BRAP: variants seen among roughly 807,000 people sequenced by gnomAD.
BRAP encodes the protein BRCA1 associated protein, also known as BRCA1-associated protein.
Under a neutral mutation model 73.4 loss-of-function variants are expected in BRAP, and 42 were observed. That is an observed-to-expected ratio of 0.57 (90% confidence interval 0.45 to 0.74). BRAP has a LOEUF of 0.74. BRAP is among the 30% of genes least tolerant of loss of function. The pLI, the probability that BRAP is intolerant of heterozygous loss-of-function variation, is 0.00. For synonymous variants in BRAP, 255 were observed against 267.4 expected (o/e 0.95, Z 0.45); for missense variants, 593 against 751.4 (o/e 0.79, Z 2.46).
At chr12:111,648,255 TCCACTGTACTCCAGCCTATTGCG>T (rs1207987663) in intron 11 of BRAP, among the ~76,000 whole-genome samples, 25 of 146,298 alleles carry the variant, frequency 1.7e-4, no homozygotes, top group African/African-American at 6.1e-4. Flanking sequence ...CTGAGATCGC[TCCACTGTACTCCAGCCTATTGCG>T]CCACTGCACT....
In BRAP at chr12:111,679,157, A is replaced by C; in HGVS notation, c.627T>G (p.Arg209=). The change falls in exon 4 of 12, where the codon CGT becomes CGG. Residue 209 remains arginine, a synonymous_variant. Coordinates refer to ENST00000419234, the MANE Select transcript of BRAP (RefSeq NM_006768.5). ...PNQYMVLIKF[R]AQADADSFYM... is the part of the protein sequence containing the mutation. ...TAAATTTAATAACTTTTACCTGTGCACGAAACTTTATCAGCACCATATATT... is the reference window on the plus strand; with the variant it reads ...TAAATTTAATAACTTTTACCTGTGCCCGAAACTTTATCAGCACCATATATT... The C allele has an allele frequency of 6.4e-7, 1 of 1,550,598 alleles. No homozygotes were observed. Among genetic ancestry groups the C allele is most frequent in the Non-Finnish European group, 8.7e-7 (1 of 1,144,172 alleles).
chr12:111,678,666 C>G (rs1469164058), intron 4 of BRAP, among the ~76,000 whole-genome samples: 1 of 147,022 alleles, frequency 6.8e-6, no homozygotes, highest in Non-Finnish European at 1.5e-5. Flanking sequence ...CAAAAAGAAA[C>G]AAACAAAAAA....
At chr12:111,664,602 CTCAG>C (rs1357419511) in intron 6 of BRAP, among the ~76,000 whole-genome samples, 5 of 152,194 alleles carry the variant, frequency 3.3e-5, no homozygotes, top group African/African-American at 9.6e-5. Context: ...TTATGTGCTC[CTCAG>C]TGTCTACCAC....
At chr12:111,676,763 C>A (rs1367007037) in intron 4 of BRAP, among the ~76,000 whole-genome samples, 2 of 152,144 alleles carry the variant, frequency 1.3e-5, no homozygotes, top group Non-Finnish European at 2.9e-5. Context: ...ATGGAAAGCA[C>A]TTGGCACAGG....
intron 9 of BRAP, among the ~76,000 whole-genome samples, chr12:111,658,310 T>G (rs1449803953): frequency 5.9e-5 from 9 of 152,076 alleles, no homozygotes; most frequent in African/African-American, 2.2e-4. Context: ...AACATTTTTT[T>G]TTTTTTTGAG....
At chr12:111,648,005 G>A (rs1351864815) in intron 11 of BRAP, among the ~76,000 whole-genome samples, 6 of 151,992 alleles carry the variant, frequency 3.9e-5, no homozygotes, top group Non-Finnish European at 8.8e-5. Flanking sequence ...GGAGGTGGAA[G>A]ATGTAGTGAG....
chr12:111,683,125 C>G, intron 2 of BRAP, 21 bp downstream of exon 2: 1 of 1,607,122 alleles, frequency 6.2e-7, no homozygotes, highest in Non-Finnish European at 8.5e-7. Context: ...AAAAGAGAGT[C>G]CAGGGTTTTA....
intron 3 of BRAP, among the ~76,000 whole-genome samples, chr12:111,680,296 G>A (rs1267238997): frequency 1.3e-5 from 2 of 152,108 alleles, no homozygotes; most frequent in Non-Finnish European, 2.9e-5. Context: ...AGGATTACAG[G>A]AAGTGTTACC....
intron 7 of BRAP, 45 bp from the exon 8 acceptor site, chr12:111,659,390 G>A (rs763313240): frequency 1.0e-5 from 16 of 1,577,846 alleles, no homozygotes; most frequent in Admixed American, 3.4e-5. Context: ...AAAAATAAAT[G>A]ATCTGGCTGG....
rs565349424 is a variant in BRAP, at chr12:111,667,698, C to CAAAAAAAAAAAAAAAA, written c.748-1927_748-1912dup. 5.7e-3 allele frequency among the ~76,000 whole-genome samples: 121 copies of CAAAAAAAAAAAAAAAA among 21,282 alleles called. 31 individuals are homozygous for CAAAAAAAAAAAAAAAA. In the East Asian group the frequency reaches 0.083, roughly 15 times the overall value. 14.0% of individuals were successfully genotyped at this position (21,282 alleles called of 152,430 possible). On this transcript the variant is annotated intron_variant, in intron 5 of 11. Coordinates refer to ENST00000419234, the MANE Select transcript of BRAP (RefSeq NM_006768.5). ...TGGGAGACAGAGTGAAACTCCGTCT[C>CAAAAAAAAAAAAAAAA]AAAAAAAAAAAAAAAAAAAAAAAGC...
chr12:111,664,013 A>C (rs148049808), intron 6 of BRAP, among the ~76,000 whole-genome samples: 66 of 152,266 alleles, frequency 4.3e-4, no homozygotes, highest in African/African-American at 1.4e-3. Flanking sequence ...ATGGTTCTGT[A>C]ACAGTTAATT....
At position 111,645,415 on chromosome 12, in the gene BRAP, A is replaced by G. The variant is rs544843391; in HGVS notation, c.1416-853T>C. On this transcript the variant is annotated intron_variant, in intron 11 of 11. Coordinates refer to ENST00000419234, the MANE Select transcript of BRAP (RefSeq NM_006768.5). ...TTTTTTTAAGCATCAGAAAGTTTTC[A>G]GTAGCAGAAACTATTCTGTGACTGA... Among the ~76,000 whole-genome samples the G allele has an allele frequency of 3.9e-5, 6 of 152,302 alleles. No homozygotes were observed. The East Asian group carries it at 1.2e-3, about 29-fold the overall frequency.
Position 111,644,531 on chromosome 12 carries a change from GTT to G in BRAP, c.1445_1446del (p.Lys482ThrfsTer38). The G allele has an allele frequency of 6.2e-7, 1 of 1,613,904 alleles. No homozygotes were observed. The highest frequency in any genetic ancestry group is 8.5e-7 in the Non-Finnish European group (1 of 1,179,826). On this transcript the variant is annotated frameshift_variant, in exon 12 of 12. Coordinates refer to ENST00000419234, the MANE Select transcript of BRAP (RefSeq NM_006768.5). LOFTEE classifies it high-confidence loss of function. Reference sequence around the variant, plus strand: ...TGCTCCTCTTTGAGCTCGTTGGTGAGTTTGGCCACTTTTGTGTTTAGCTGAGT... The same window carrying G: ...TGCTCCTCTTTGAGCTCGTTGGTGAGTGGCCACTTTTGTGTTTAGCTGAGT... ...KCTQLNTKVA[K>X]LTNELKEEQE...
At chr12:111,662,959 A>T (rs1009128908) in intron 6 of BRAP, among the ~76,000 whole-genome samples, 5 of 151,372 alleles carry the variant, frequency 3.3e-5, no homozygotes, top group Admixed American at 2.6e-4. Flanking sequence ...AAAAAAAAAA[A>T]ACAAAAAACT....
rs749650313 is a variant in BRAP, at chr12:111,679,266, G to T, written c.518C>A (p.Thr173Asn). Residue 173 changes from threonine (T) to asparagine (N), a missense_variant, in exon 4 of 12, where the codon ACC (threonine) becomes AAC (asparagine). Thr to Asn is a moderately conservative substitution (Grantham distance 65, BLOSUM62 0). Coordinates refer to ENST00000419234, the MANE Select transcript of BRAP (RefSeq NM_006768.5). ...AACAAACTTCATAAGGTCATGACTGGTCATTGCAGCAGGGACTGTGAGAAT... is the reference window on the plus strand; with the variant it reads ...AACAAACTTCATAAGGTCATGACTGTTCATTGCAGCAGGGACTGTGAGAAT... ...LCILTVPAAM[T>N]SHDLMKFVAP... 3 of 1,611,108 alleles carry T rather than the reference G, an allele frequency of 1.9e-6. No individual in the cohort carries two copies. The East Asian group carries it at 6.7e-5, about 36-fold the overall frequency.
intron 10 of BRAP, among the ~76,000 whole-genome samples, chr12:111,654,384 T>C (rs1886437790): frequency 6.6e-6 from 1 of 151,984 alleles, no homozygotes; most frequent in Admixed American, 6.6e-5. Flanking sequence ...GGTGCAATCT[T>C]GGTTCACTGC....
At chr12:111,648,050 A>G (rs1362524251) in intron 11 of BRAP, among the ~76,000 whole-genome samples, 1 of 152,118 alleles carries the variant, frequency 6.6e-6, no homozygotes, top group Non-Finnish European at 1.5e-5. Flanking sequence ...CTGTAATCCC[A>G]GCACTTTGGG....
chr12:111,678,304 T>C (rs1322505456), intron 4 of BRAP, among the ~76,000 whole-genome samples: 1 of 146,984 alleles, frequency 6.8e-6, no homozygotes, highest in Non-Finnish European at 1.5e-5. Context: ...AATAATAAGA[T>C]GGTGTTAACT....
Position 111,685,767 on chromosome 12 carries a change from C to A in BRAP, c.26G>T (p.Arg9Leu), listed in dbSNP as rs776958367. 1 of 1,610,074 alleles carries A rather than the reference C, an allele frequency of 6.2e-7. No homozygotes were observed. Among genetic ancestry groups the A allele is most frequent in the Non-Finnish European group, 8.5e-7 (1 of 1,178,648 alleles). The part of the protein sequence containing the change: MSVSLVVI[R>L]LELAEHSPVP... ...AGGCGAGTGTTCCGCGAGCTCCAAT[C>A]GGATAACAACCAGTGACACACTCAT... Residue 9 changes from arginine (R) to leucine (L), a missense_variant, in exon 1 of 12, where the codon CGA becomes CTA. Physicochemically the swap from Arg to Leu is moderately radical, Grantham distance 102. Coordinates refer to ENST00000419234, the MANE Select transcript of BRAP (RefSeq NM_006768.5).
Sources: gnomAD v4.1 joint callset for allele counts (sites outside exome capture counted in the v4.1 genomes callset) on GRCh38, gnomAD v4.1.1 for gene constraint, MANE v1.5 for transcripts, NCBI Gene and HGNC (gene_info 2026-07-23, HGNC 2026-07-21) for gene names.